Variants in RPS6KC1 observed in about 807,000 individuals in gnomAD.
The protein encoded by RPS6KC1 is inactive ribosomal protein S6 kinase delta-1.
A neutral mutation model predicts 103.8 loss-of-function variants in RPS6KC1; 54 were observed. The observed-to-expected ratio is 0.52, with a 90% CI of 0.42 to 0.65. The LOEUF is 0.65. Ranked by LOEUF, RPS6KC1 falls within the 30% of genes least tolerant of loss-of-function variation. The probability of loss-of-function intolerance (pLI) is 0.00; values close to 1 mark genes in which losing one functional copy is unlikely to be tolerated. For missense variants in RPS6KC1, 1,151 were observed against 1,253.8 expected, an observed-to-expected ratio of 0.92 and a Z score of 1.24; for synonymous variants, 439 against 438.7, an observed-to-expected ratio of 1.00 and a Z score of -0.01.
the RPS6KC1 span, among the ~76,000 whole-genome samples, chr1:213,778,345 A>G: frequency 7.4e-3 from 1,130 of 152,310 alleles, 14 homozygotes; most frequent in South Asian, 0.046. Context: ...GCAATAATTC[A>G]AACAGGATTT....
the RPS6KC1 span, among the ~76,000 whole-genome samples, chr1:213,634,293 A>G: frequency 2.0e-5 from 3 of 152,192 alleles, no homozygotes; most frequent in South Asian, 6.2e-4. Flanking sequence ...TCAGCACCAC[A>G]TTGCATTTAT....
At chr1:213,338,054 C>G in the RPS6KC1 span, among the ~76,000 whole-genome samples, 1 of 152,094 alleles carries the variant, frequency 6.6e-6, no homozygotes, top group East Asian at 1.9e-4. Context: ...TGACCTGAAC[C>G]AAGAGGAGTG....
chr1:213,858,335 A>C, the RPS6KC1 span, among the ~76,000 whole-genome samples: 7 of 152,264 alleles, frequency 4.6e-5, no homozygotes, highest in Middle Eastern at 6.8e-3. Flanking sequence ...CTAACCCAGC[A>C]AGTGGCATTC....
chr1:213,837,078 G>C, the RPS6KC1 span, among the ~76,000 whole-genome samples: 3 of 152,254 alleles, frequency 2.0e-5, no homozygotes, highest in African/African-American at 7.2e-5. Context: ...ATTAAATAAA[G>C]CTCCCAGCAG....
At chr1:213,140,448 A>G (rs13313025) in intron 6 of RPS6KC1, among the ~76,000 whole-genome samples, 24,183 of 152,004 alleles carry the variant, frequency 0.16, 5,131 homozygotes, top group African/African-American at 0.49. Flanking sequence ...GCATTTGTCC[A>G]TTCTGTATGA....
At chr1:213,389,977 G>A in the RPS6KC1 span, among the ~76,000 whole-genome samples, 2 of 152,218 alleles carry the variant, frequency 1.3e-5, no homozygotes, top group Admixed American at 6.5e-5. Flanking sequence ...ATTATTTTTC[G>A]TACTGAAGGC....
chr1:213,124,710 G>A (rs554590389), intron 5 of RPS6KC1, among the ~76,000 whole-genome samples: 5 of 152,164 alleles, frequency 3.3e-5, no homozygotes, highest in Middle Eastern at 3.4e-3. Context: ...CGAGCTGGCC[G>A]GAGAATACGT....
the RPS6KC1 span, among the ~76,000 whole-genome samples, chr1:213,540,468 C>T: frequency 9.9e-5 from 15 of 152,228 alleles, no homozygotes; most frequent in Middle Eastern, 3.4e-3. Context: ...CTCAGCCTCC[C>T]GAGTAGCTGG....
chr1:213,327,667 G>T, the RPS6KC1 span, among the ~76,000 whole-genome samples: 2 of 152,288 alleles, frequency 1.3e-5, no homozygotes, highest in Admixed American at 1.3e-4. Flanking sequence ...GAGACAAGAG[G>T]CACTGACAGG....
At chr1:213,151,807 G>A (rs2089021915) in intron 6 of RPS6KC1, among the ~76,000 whole-genome samples, 1 of 132,704 alleles carries the variant, frequency 7.5e-6, no homozygotes, top group Non-Finnish European at 1.6e-5. Flanking sequence ...CCTCCCGGAC[G>A]GGGCAGCTGG....
the RPS6KC1 span, among the ~76,000 whole-genome samples, chr1:213,555,337 G>A: frequency 6.6e-6 from 1 of 152,230 alleles, no homozygotes; most frequent in Non-Finnish European, 1.5e-5. Flanking sequence ...GAAGCACATG[G>A]TAGAGATTTT....
At chr1:213,459,193 T>G in the RPS6KC1 span, among the ~76,000 whole-genome samples, 1 of 152,300 alleles carries the variant, frequency 6.6e-6, no homozygotes, top group South Asian at 2.1e-4. Flanking sequence ...CCAGCTCCTG[T>G]TTGTACGTCT....
the RPS6KC1 span, among the ~76,000 whole-genome samples, chr1:213,468,187 T>C: frequency 6.6e-6 from 1 of 152,254 alleles, no homozygotes; most frequent in Non-Finnish European, 1.5e-5. Context: ...TCATAGGCAC[T>C]AAATGAGTGG....
At chr1:213,793,292 C>T in the RPS6KC1 span, among the ~76,000 whole-genome samples, 32 of 152,226 alleles carry the variant, frequency 2.1e-4, no homozygotes, top group Non-Finnish European at 1.0e-4. Context: ...AAATACTTTG[C>T]ATGTAAACAA....
At chr1:213,279,148 G>T (rs981816635), downstream of RPS6KC1, among the ~76,000 whole-genome samples, 3 of 152,170 alleles carry the variant, frequency 2.0e-5, no homozygotes, top group African/African-American at 7.2e-5. Flanking sequence ...ACAGTTAAAA[G>T]AGATAATTTT....
chr1:213,301,698 C>CTTATTTAT, the RPS6KC1 span, among the ~76,000 whole-genome samples: 1,612 of 141,232 alleles, frequency 0.011, 17 homozygotes, highest in South Asian at 0.015. Flanking sequence ...GACCCATTTA[C>CTTATTTAT]TTATTTATTT....
At chr1:213,587,957 A>G in the RPS6KC1 span, among the ~76,000 whole-genome samples, 1 of 152,324 alleles carries the variant, frequency 6.6e-6, no homozygotes, top group African/African-American at 2.4e-5. Context: ...TTTATTGTTC[A>G]CAGTTTTGGA....
At chr1:213,496,628 C>T in the RPS6KC1 span, among the ~76,000 whole-genome samples, 7 of 152,034 alleles carry the variant, frequency 4.6e-5, no homozygotes, top group African/African-American at 1.2e-4. Context: ...CATGGTGGTA[C>T]GTGCCTATAA....
intron 8 of RPS6KC1, among the ~76,000 whole-genome samples, chr1:213,219,586 A>G (rs1006033233): frequency 2.0e-5 from 3 of 152,188 alleles, no homozygotes; most frequent in African/African-American, 7.2e-5. Flanking sequence ...ACTACTCACA[A>G]TAGCAAAGAC....
Sources: allele counts gnomAD v4.1 joint callset (sites outside exome capture counted in the v4.1 genomes callset), GRCh38; gene constraint gnomAD v4.1.1; transcripts MANE v1.5; gene names NCBI Gene and HGNC (gene_info 2026-07-23, HGNC 2026-07-21).